The following ROR2 variants were observed in gnomAD, a reference collection of about 807,000 sequenced individuals.
ROR2 encodes the protein ROR family WNT receptor 2.
A neutral mutation model predicts 74.9 loss-of-function variants in ROR2; 33 were observed. The ratio of observed to expected loss-of-function variants is 0.44; its 90% confidence interval spans 0.33 to 0.59. The LOEUF is 0.59. Among genes scored for constraint, ROR2 ranks in the 20% least tolerant of loss-of-function variants. The pLI, the probability that ROR2 is intolerant of heterozygous loss-of-function variation, is 0.02. For missense variants in ROR2, 1,216 were observed against 1,313.8 expected (o/e 0.93, Z 1.15); for synonymous variants, 586 against 558.7 (o/e 1.05, Z -0.69).
chr9:91,872,692 A>AGGC (rs1376011062), intron 1 of ROR2, among the ~76,000 whole-genome samples: 1 of 152,188 alleles, frequency 6.6e-6, no homozygotes, highest in South Asian at 2.1e-4. Flanking sequence ...TATATTACAG[A>AGGC]GGCTGGGCTG....
intron 1 of ROR2, among the ~76,000 whole-genome samples, chr9:91,808,966 G>A (rs555403848): frequency 1.3e-5 from 2 of 151,716 alleles, no homozygotes; most frequent in East Asian, 3.9e-4. Flanking sequence ...TCGCGCCACT[G>A]CACTCCAGCC....
intron 1 of ROR2, among the ~76,000 whole-genome samples, chr9:91,881,986 G>A (rs574153115): frequency 6.6e-6 from 1 of 152,180 alleles, no homozygotes; most frequent in Admixed American, 6.5e-5. Context: ...TGGAGTGTAG[G>A]GTTCCACACA....
At chr9:91,918,304 A>G (rs1831188794) in intron 1 of ROR2, among the ~76,000 whole-genome samples, 1 of 151,360 alleles carries the variant, frequency 6.6e-6, no homozygotes. Flanking sequence ...GCACAGGGCC[A>G]GAGGTCAAGT....
At chr9:91,887,324 G>C (rs375049654) in intron 1 of ROR2, 1 of 152,158 alleles carries the variant, frequency 6.6e-6, no homozygotes, top group Non-Finnish European at 1.5e-5. Context: ...CCCTCCAATG[G>C]CACCCACAAT....
At chr9:91,948,619 A>G (rs1832074714) in intron 1 of ROR2, 1 of 985,384 alleles carries the variant, frequency 1.0e-6, no homozygotes, top group Non-Finnish European at 1.2e-6. Context: ...TGGGCCGGCT[A>G]GGGCGGCAGG....
chr9:91,729,414 G>A (rs920616485), intron 7 of ROR2, among the ~76,000 whole-genome samples: 2 of 152,324 alleles, frequency 1.3e-5, no homozygotes, highest in South Asian at 2.1e-4. Context: ...CTTAAAATTT[G>A]TTCTCCCATA....
rs559697443 is a variant in ROR2, at chr9:91,733,357, G to A, written c.702C>T (p.Phe234=). Residue 234 remains phenylalanine, a synonymous_variant, in exon 6 of 9, where the codon TTC becomes TTT. Coordinates refer to ENST00000375708, the MANE Select transcript of ROR2 (RefSeq NM_004560.4). This position sits in a 1 kb window ranked among gnomAD's most constrained non-coding sequence, Gnocchi z 5.7. ...AGCGCGCGTCGCACAGAGGAAACAC[G>A]AAGTGGCAGAAGGATGGGATGGCGA... ...SQFAIPSFCH[F]VFPLCDARSR... 6.7e-5 allele frequency: 108 copies of A among 1,612,294 alleles called. No homozygotes were observed. The highest frequency in any genetic ancestry group is 8.1e-5 in the Non-Finnish European group (95 of 1,179,648).
Position 91,726,529 on chromosome 9 carries a change from A to T in ROR2, c.1386+12T>A. On this transcript the variant is annotated intron_variant, in intron 8 of 8. Transcript: ENST00000375708. ...AAGAGCCACCCGGGTAGAAAATGTAAGGCATGGAGACCTGTTTGTGCTGGT... is the reference window on the plus strand; with the variant it reads ...AAGAGCCACCCGGGTAGAAAATGTATGGCATGGAGACCTGTTTGTGCTGGT... The T allele has an allele frequency of 6.2e-7, 1 of 1,611,108 alleles. No homozygotes were observed. The highest frequency in any genetic ancestry group is 8.5e-7 in the Non-Finnish European group (1 of 1,179,656).
chr9:91,726,795 C>CA, intron 7 of ROR2, 52 bp from the exon 8 acceptor site: 1 of 1,569,170 alleles, frequency 6.4e-7, no homozygotes, highest in East Asian at 2.2e-5. Context: ...CTTTTCTACT[C>CA]TAAGTTCTCT....
chr9:91,801,481 C>A (rs933082689), intron 1 of ROR2, among the ~76,000 whole-genome samples: 2 of 152,168 alleles, frequency 1.3e-5, no homozygotes, highest in Non-Finnish European at 2.9e-5. Flanking sequence ...TACAGGCGCC[C>A]GCCACCACAC....
chr9:91,886,037 G>A (rs1356436023), intron 1 of ROR2, among the ~76,000 whole-genome samples: 2 of 151,802 alleles, frequency 1.3e-5, no homozygotes, highest in Non-Finnish European at 2.9e-5. Context: ...CACTACGTCC[G>A]GCTAATTTTG....
rs373184460 is a variant in ROR2, at chr9:91,949,493, C to T, written c.97+374G>A. 6.6e-5 allele frequency among the ~76,000 whole-genome samples: 10 copies of T among 152,074 alleles called. 1 individual carries two copies. Among genetic ancestry groups the T allele is most frequent in the Admixed American group, 4.6e-4 (7 of 15,288 alleles). On this transcript the variant is annotated intron_variant, in intron 1 of 8. Coordinates refer to ENST00000375708, the MANE Select transcript of ROR2 (RefSeq NM_004560.4). ...AGGAGGAAGACCTCGGGGAGGAAGC[C>T]CGGGTCCTGGGACCCTCGGGGCACA...
At chr9:91,944,313 T>C (rs1400847880) in intron 1 of ROR2, among the ~76,000 whole-genome samples, 1 of 152,162 alleles carries the variant, frequency 6.6e-6, no homozygotes. Flanking sequence ...ATATAGGTGG[T>C]CCATCGTCTG....
chr9:91,851,134 A>C (rs1300832212), intron 1 of ROR2, among the ~76,000 whole-genome samples: 2 of 151,686 alleles, frequency 1.3e-5, no homozygotes, highest in African/African-American at 4.8e-5. Flanking sequence ...AGATGGATCA[A>C]GAGGTCAGGA....
At chr9:91,799,115 G>GTGTGGTGGAGCCAAGT (rs1214656901) in intron 1 of ROR2, among the ~76,000 whole-genome samples, 1 of 152,174 alleles carries the variant, frequency 6.6e-6, no homozygotes, top group Non-Finnish European at 1.5e-5. Context: ...ATCCACCTGT[G>GTGTGGTGGAGCCAAGT]TGTGGTGGAG....
At chr9:91,912,111 A>T (rs1036817839) in intron 1 of ROR2, among the ~76,000 whole-genome samples, 5 of 151,878 alleles carry the variant, frequency 3.3e-5, no homozygotes, top group African/African-American at 1.2e-4. Context: ...ATCCTGGATC[A>T]CACAAAACAG....
At chr9:91,806,162 C>A (rs1250639195) in intron 1 of ROR2, among the ~76,000 whole-genome samples, 1 of 152,168 alleles carries the variant, frequency 6.6e-6, no homozygotes, top group East Asian at 1.9e-4. Flanking sequence ...TCTCAGTGCA[C>A]CTGAGCCACT....
intron 1 of ROR2, among the ~76,000 whole-genome samples, chr9:91,801,956 C>T (rs1439637367): frequency 6.6e-6 from 1 of 152,212 alleles, no homozygotes; most frequent in Non-Finnish European, 1.5e-5. Flanking sequence ...GGGGCCATGC[C>T]CCAGTGCATC....
intron 4 of ROR2, among the ~76,000 whole-genome samples, chr9:91,740,009 G>GATTC (rs1396857301): frequency 6.6e-6 from 1 of 152,212 alleles, no homozygotes. Flanking sequence ...TAAGCTATGA[G>GATTC]ATTCAGATCA....
Sources: allele counts gnomAD v4.1 joint callset (sites outside exome capture counted in the v4.1 genomes callset), GRCh38; gene constraint gnomAD v4.1.1; non-coding constraint Gnocchi (gnomAD v3.1); transcripts MANE v1.5; gene names NCBI Gene and HGNC (gene_info 2026-07-23, HGNC 2026-07-21).